Variants in NRXN2 observed in about 807,000 individuals in gnomAD.
The protein encoded by NRXN2 is neurexin 2.
A neutral mutation model predicts 128.8 loss-of-function variants in NRXN2; 29 were observed. The observed-to-expected ratio is 0.23, with a 90% CI of 0.17 to 0.31. The LOEUF (loss-of-function observed/expected upper bound fraction) is 0.31, where lower values mean the gene tolerates loss of function less well. Ranked by LOEUF, NRXN2 falls within the 10% of genes least tolerant of loss-of-function variation. The pLI is 1.00. For synonymous variants in NRXN2, 1,098 were observed against 1,075.2 expected, an observed-to-expected ratio of 1.02 and a Z score of -0.41; for missense variants, 1,881 against 2,452.6, an observed-to-expected ratio of 0.77 and a Z score of 4.92.
At chr11:64,634,271 C>A (rs186659876) in intron 18 of NRXN2, among the ~76,000 whole-genome samples, 14 of 152,220 alleles carry the variant, frequency 9.2e-5, no homozygotes, top group Admixed American at 3.9e-4. Flanking sequence ...AACAAGGTGG[C>A]TGTTAGGGGC....
intron 11 of NRXN2, among the ~76,000 whole-genome samples, chr11:64,655,079 A>C (rs1368012273): frequency 6.6e-6 from 1 of 152,082 alleles, no homozygotes; most frequent in Non-Finnish European, 1.5e-5. Flanking sequence ...TGCCTACCCC[A>C]CAGCCCAGGA....
chr11:64,692,924 A>G, intron 3 of NRXN2, 48 bp from the exon 4 acceptor site: 1 of 1,486,986 alleles, frequency 6.7e-7, no homozygotes, highest in Non-Finnish European at 9.3e-7. Context: ...AAGAAGAAGA[A>G]AAAAGAAAGA....
intron 22 of NRXN2, among the ~76,000 whole-genome samples, chr11:64,615,938 ATTC>A (rs752304615): frequency 1.3e-5 from 2 of 151,850 alleles, no homozygotes; most frequent in Non-Finnish European, 2.9e-5. Context: ...GTACATATGT[ATTC>A]TTCTGTGAGT....
chr11:64,676,765 G>C (rs926480674), intron 7 of NRXN2: 25 of 594,950 alleles, frequency 4.2e-5, no homozygotes, highest in Non-Finnish European at 6.3e-5. Flanking sequence ...CAAATTCCTC[G>C]ATTTCCATTT....
chr11:64,701,651 A>C (rs2055376646), intron 2 of NRXN2, among the ~76,000 whole-genome samples: 2 of 152,194 alleles, frequency 1.3e-5, no homozygotes, highest in African/African-American at 4.8e-5. Context: ...AGGTGGGAGA[A>C]TCACTTGAGC....
chr11:64,643,407 G>A, intron 17 of NRXN2: 1 of 309,116 alleles, frequency 3.2e-6, no homozygotes, highest in Non-Finnish European at 4.7e-6. Context: ...CCGGGTGAGG[G>A]GGGAATGAAG....
At chr11:64,689,338 G>A (rs543560792) in intron 5 of NRXN2, among the ~76,000 whole-genome samples, 1 of 151,624 alleles carries the variant, frequency 6.6e-6, no homozygotes, top group Non-Finnish European at 1.5e-5. Context: ...TCATAGTGCT[G>A]GGATTACAGG....
In NRXN2 at chr11:64,622,525, A is replaced by G. The variant is rs369681309; in HGVS notation, c.4173+228T>C. On this transcript the variant is annotated intron_variant, in intron 21 of 22. Coordinates refer to ENST00000265459, the MANE Select transcript of NRXN2 (RefSeq NM_015080.4). The surrounding 1 kb of genome is among the most constrained non-coding windows in gnomAD (Gnocchi z 4.3). ...CAATTCTGGGAATGGTCCCTCTAGA[A>G]ATAGTGGTCACCCCCACATCACAAG... Among the ~76,000 whole-genome samples, 19 of 152,344 alleles carry G rather than the reference A, an allele frequency of 1.2e-4. 2 individuals are homozygous for G. Among genetic ancestry groups the G allele is most frequent in the Admixed American group, 8.5e-4 (13 of 15,306 alleles).
chr11:64,686,042 T>A (rs1208579728), intron 5 of NRXN2, 95 bp from the exon 6 acceptor site: 6 of 1,413,478 alleles, frequency 4.2e-6, no homozygotes, highest in Non-Finnish European at 5.9e-6. Flanking sequence ...GCACTGGTCC[T>A]GGGCACCAGG....
Position 64,713,637 on chromosome 11 carries a change from C to T in NRXN2, c.63G>A (p.Ala21=). 1 of 1,247,632 alleles carries T rather than the reference C, an allele frequency of 8.0e-7. No homozygotes were observed. Among genetic ancestry groups the T allele is most frequent in the Non-Finnish European group, 1.0e-6 (1 of 991,334 alleles). The allele number at this position is 1,247,632 out of a possible 1,614,324, so 77.3% of individuals were successfully genotyped here. The change falls in exon 2 of 23, where the codon GCG becomes GCA. Residue 21 remains alanine, a synonymous_variant. Transcript: ENST00000265459. ...PPPLLLLLLL[A]LAARADGLEF... ...CCAGGCCGTCCGCGCGCGCCGCCAG[C>T]GCCAGCAGCAGCAGCAACAGCAGCG...
chr11:64,662,649 G>A (rs2049200322), intron 9 of NRXN2, among the ~76,000 whole-genome samples: 1 of 152,000 alleles, frequency 6.6e-6, no homozygotes, highest in African/African-American at 2.4e-5. Flanking sequence ...GGGCGTGGTG[G>A]CGGGCGCCTG....
chr11:64,669,807 G>T (rs2050383015), intron 7 of NRXN2, among the ~76,000 whole-genome samples: 1 of 152,240 alleles, frequency 6.6e-6, no homozygotes, highest in Non-Finnish European at 1.5e-5. Flanking sequence ...GGTCAGCTGG[G>T]AAAGAAGGCA....
chr11:64,677,020 G>A lies in NRXN2; in HGVS notation c.1170C>T (p.His390=), dbSNP rs755483326. 10 of 1,593,862 alleles carry A rather than the reference G, an allele frequency of 6.3e-6. No individual in the cohort carries two copies. Among genetic ancestry groups the A allele is most frequent in the Non-Finnish European group, 8.6e-6 (10 of 1,168,224 alleles). ...RNLRQHAGIG[H]AMVNKLHYLV... is the part of the protein sequence containing the mutation. The stretch of plus-strand genomic sequence containing the variant: ...GATAATGCAGTTTGTTTACCATAGC[G>A]TGTCCAATCCCTGCGTGCTTCACCG... Residue 390 remains histidine, a synonymous_variant, in exon 7 of 23, where the codon CAC becomes CAT. Coordinates refer to ENST00000265459, the MANE Select transcript of NRXN2 (RefSeq NM_015080.4).
At chr11:64,691,033 G>A (rs1019890811) in intron 4 of NRXN2, among the ~76,000 whole-genome samples, 3 of 152,132 alleles carry the variant, frequency 2.0e-5, no homozygotes, top group African/African-American at 7.2e-5. Context: ...TGTCCTTGAG[G>A]CTCTCACTAC....
intron 22 of NRXN2, among the ~76,000 whole-genome samples, chr11:64,610,841 C>G (rs2040520817): frequency 6.6e-6 from 1 of 152,222 alleles, no homozygotes; most frequent in Non-Finnish European, 1.5e-5. Flanking sequence ...GGGTTCCCCT[C>G]CCTGCATGAA....
At position 64,651,416 on chromosome 11, in the gene NRXN2, G is replaced by A. The variant is rs752796561; in HGVS notation, c.2757C>T (p.Pro919=). ...AGCTGCTGCGACTCTTGAAGGTGACGGGATCGGCCACGATGGCACGCAGGC... is the reference window on the plus strand; with the variant it reads ...AGCTGCTGCGACTCTTGAAGGTGACAGGATCGGCCACGATGGCACGCAGGC... The part of the protein sequence containing the change: ...RFGLRAIVAD[P]VTFKSRSSYL... Residue 919 remains proline, a synonymous_variant, in exon 14 of 23, where the codon CCC becomes CCT. Transcript: ENST00000265459. The surrounding 1 kb of genome is among the most constrained non-coding windows in gnomAD (Gnocchi z 5.9). 31 of 1,614,072 alleles carry A rather than the reference G, an allele frequency of 1.9e-5. No homozygotes were observed. The highest frequency in any genetic ancestry group is 6.7e-5 in the East Asian group (3 of 44,892).
chr11:64,663,951 A>T (rs2049408806), intron 9 of NRXN2, among the ~76,000 whole-genome samples: 1 of 152,258 alleles, frequency 6.6e-6, no homozygotes, highest in South Asian at 2.1e-4. Context: ...CAAAGGGACA[A>T]ATATTATATG....
intron 17 of NRXN2, among the ~76,000 whole-genome samples, chr11:64,636,072 C>T (rs1200017865): frequency 6.6e-6 from 1 of 151,728 alleles, no homozygotes; most frequent in South Asian, 2.1e-4. Flanking sequence ...GGTCCTGGAG[C>T]CCTGCCCAGA....
chr11:64,644,619 G>A (rs1227397942), intron 17 of NRXN2, among the ~76,000 whole-genome samples: 1 of 152,130 alleles, frequency 6.6e-6, no homozygotes, highest in African/African-American at 2.4e-5. Flanking sequence ...TCACCGGGTC[G>A]TATGCACCAA....
Sources: allele counts gnomAD v4.1 joint callset (sites outside exome capture counted in the v4.1 genomes callset), GRCh38; gene constraint gnomAD v4.1.1; non-coding constraint Gnocchi (gnomAD v3.1); transcripts MANE v1.5; gene names NCBI Gene and HGNC (gene_info 2026-07-23, HGNC 2026-07-21).